PUDP: variants seen among roughly 807,000 people sequenced by gnomAD.
PUDP encodes pseudouridine-5'-phosphatase.
Under a neutral mutation model 9.4 loss-of-function variants are expected in PUDP, and 8 were observed. The ratio of observed to expected loss-of-function variants is 0.85; its 90% CI spans 0.50 to 1.53. PUDP has a LOEUF of 1.53. Ranked by LOEUF, PUDP falls within the 40% of genes most tolerant of loss-of-function variation. PUDP has a pLI of 0.00. For missense variants in PUDP, 188 were observed against 189.7 expected (o/e 0.99, Z 0.05); for synonymous variants, 99 against 80.7 (o/e 1.23, Z -1.22).
chrX:7,031,025 G>A (rs1024032963), intron 1 of PUDP, among the ~76,000 whole-genome samples: 13 of 111,457 alleles, frequency 1.2e-4, no homozygotes, highest in Non-Finnish European at 2.3e-4. Context: ...GTCCATATAG[G>A]GTAACTTCCT....
intron 1 of PUDP, among the ~76,000 whole-genome samples, chrX:7,003,129 G>C (rs1307372417): frequency 1.8e-5 from 2 of 112,218 alleles, no homozygotes; most frequent in Admixed American, 1.9e-4. Flanking sequence ...AAAGTGGCTG[G>C]AGGATAGTTT....
intron 3 of PUDP, among the ~76,000 whole-genome samples, chrX:6,957,537 G>A (rs1928645504): frequency 8.9e-6 from 1 of 111,790 alleles, no homozygotes; most frequent in Non-Finnish European, 1.9e-5. Flanking sequence ...AGAATTGTGA[G>A]CCAATAAATT....
At chrX:6,970,876 C>A (rs1292880608) in intron 3 of PUDP, among the ~76,000 whole-genome samples, 1 of 109,812 alleles carries the variant, frequency 9.1e-6, no homozygotes, top group Non-Finnish European at 1.9e-5. Flanking sequence ...GATAGTGAAA[C>A]CCCGTCTCTA....
intron 3 of PUDP, among the ~76,000 whole-genome samples, chrX:6,947,489 TA>T (rs1928485728): frequency 8.9e-6 from 1 of 112,500 alleles, no homozygotes; most frequent in African/African-American, 3.2e-5. Flanking sequence ...AAATGTGCTT[TA>T]AAAAATATTA....
chrX:6,901,013 T>A (rs1320282413), intron 3 of PUDP, among the ~76,000 whole-genome samples: 1 of 111,021 alleles, frequency 9.0e-6, no homozygotes, highest in Admixed American at 9.6e-5. Flanking sequence ...CTTGACCTCG[T>A]GATCCGCCCG....
At chrX:6,781,446 T>C (rs1925560831) in intron 3 of PUDP, among the ~76,000 whole-genome samples, 1 of 111,575 alleles carries the variant, frequency 9.0e-6, no homozygotes, top group Admixed American at 9.5e-5. Context: ...CAAAACACTT[T>C]TTCCCTCCCA....
At chrX:6,811,812 C>T (rs1926149180) in intron 3 of PUDP, among the ~76,000 whole-genome samples, 2 of 111,581 alleles carry the variant, frequency 1.8e-5, no homozygotes, top group Admixed American at 1.9e-4. Flanking sequence ...GCTTGCAGCT[C>T]ATTCTTGTGA....
At chrX:7,071,774 T>A (rs1032798271) in intron 3 of PUDP, among the ~76,000 whole-genome samples, 1 of 66,483 alleles carries the variant, frequency 1.5e-5, no homozygotes, top group Non-Finnish European at 3.0e-5. Context: ...GAATGTACTC[T>A]CTATTTTTTT....
intron 1 of PUDP, among the ~76,000 whole-genome samples, chrX:6,711,598 G>A (rs1247984236): frequency 9.0e-6 from 1 of 111,676 alleles, no homozygotes; most frequent in Non-Finnish European, 1.9e-5. Flanking sequence ...ATGAGGCCTG[G>A]AGGGAGAATG....
intron 3 of PUDP, among the ~76,000 whole-genome samples, chrX:6,939,189 G>A (rs6639721): frequency 0.21 from 22,855 of 108,666 alleles, 1,959 homozygotes; most frequent in Admixed American, 0.35. Context: ...AAAAAGTGTG[G>A]AAGGAAAATA....
chrX:6,832,505 T>C (rs1224763424), intron 3 of PUDP, among the ~76,000 whole-genome samples: 1 of 112,105 alleles, frequency 8.9e-6, no homozygotes, highest in African/African-American at 3.2e-5. Context: ...GCAATTTTTC[T>C]CTAAACTGGC....
chrX:6,842,135 C>T (rs967357170), intron 3 of PUDP, among the ~76,000 whole-genome samples: 2 of 112,041 alleles, frequency 1.8e-5, no homozygotes, highest in Non-Finnish European at 3.8e-5. Flanking sequence ...TCATATTCCT[C>T]TTGCTAAGAC....
downstream of PUDP, among the ~76,000 whole-genome samples, chrX:7,047,864 C>T (rs1300630320): frequency 8.9e-6 from 1 of 111,825 alleles, no homozygotes; most frequent in Non-Finnish European, 1.9e-5. Context: ...CTAATGTGCA[C>T]GTTTTTTAAA....
intron 1 of PUDP, among the ~76,000 whole-genome samples, chrX:7,021,807 G>T (rs1245776785): frequency 8.9e-6 from 1 of 112,115 alleles, no homozygotes; most frequent in African/African-American, 3.2e-5. Flanking sequence ...ATCCTACCTC[G>T]ATTTCTGAGA....
intron 2 of PUDP, among the ~76,000 whole-genome samples, chrX:7,090,588 G>T (rs768730584): frequency 1.6e-4 from 18 of 111,915 alleles, no homozygotes; most frequent in African/African-American, 5.5e-4. Context: ...AGTAAAATAA[G>T]ACTCATACAA....
intron 3 of PUDP, among the ~76,000 whole-genome samples, chrX:6,746,259 T>C (rs11095207): frequency 0.24 from 27,030 of 111,212 alleles, 2,865 homozygotes; most frequent in African/African-American, 0.4. Flanking sequence ...CTTGTGAACC[T>C]GAAGAACTCT....
intron 3 of PUDP, among the ~76,000 whole-genome samples, chrX:6,743,964 T>A (rs1924969422): frequency 8.9e-6 from 1 of 111,840 alleles, no homozygotes; most frequent in Non-Finnish European, 1.9e-5. Context: ...TGATGTAATA[T>A]CCTAAGGCAT....
At chrX:6,966,526 T>C (rs1487190635) in intron 3 of PUDP, among the ~76,000 whole-genome samples, 1 of 106,351 alleles carries the variant, frequency 9.4e-6, no homozygotes, top group East Asian at 3.0e-4. Context: ...TTGAGTCCTT[T>C]AGACTGGATC....
intron 1 of PUDP, among the ~76,000 whole-genome samples, chrX:7,009,155 A>T (rs917355016): frequency 2.7e-5 from 3 of 112,696 alleles, no homozygotes; most frequent in Admixed American, 9.4e-5. Flanking sequence ...ACAGATAGAA[A>T]TGAAAATATT....
Sources: allele counts gnomAD v4.1 joint callset (sites outside exome capture counted in the v4.1 genomes callset), GRCh38; gene constraint gnomAD v4.1.1; transcripts MANE v1.5; gene names NCBI Gene and HGNC (gene_info 2026-07-23, HGNC 2026-07-21).